The following TPST1 variants were observed in gnomAD, a reference collection of about 807,000 sequenced individuals.
TPST1 encodes protein-tyrosine sulfotransferase 1.
In TPST1, 20 loss-of-function variants were observed where a neutral mutation model predicts 34.8. That is an observed-to-expected ratio of 0.57 (90% CI 0.40 to 0.84). The LOEUF (loss-of-function observed/expected upper bound fraction) is 0.84, where lower values mean the gene tolerates loss of function less well. Ranked by LOEUF, TPST1 falls within the 40% of genes least tolerant of loss-of-function variation. The pLI, the probability that TPST1 is intolerant of heterozygous loss-of-function variation, is 0.00. For synonymous variants in TPST1, 152 were observed against 159.4 expected, an observed-to-expected ratio of 0.95 and a Z score of 0.35; for missense variants, 353 against 455.5, an observed-to-expected ratio of 0.78 and a Z score of 2.05.
At chr7:66,297,616 C>A (rs1224055552) in intron 3 of TPST1, among the ~76,000 whole-genome samples, 1 of 152,120 alleles carries the variant, frequency 6.6e-6, no homozygotes, top group African/African-American at 2.4e-5. Flanking sequence ...TGAGGAAGAG[C>A]AAGTGATCAA....
At chr7:66,352,609 A>C (rs573691943) in intron 4 of TPST1, 54 bp downstream of exon 4, 273 of 1,584,128 alleles carry the variant, frequency 1.7e-4, no homozygotes, top group Non-Finnish European at 2.3e-4. Context: ...CTTGCATTGA[A>C]GTAATATTTT....
In TPST1 at chr7:66,286,712, A is replaced by G; in HGVS notation, c.1044+3A>G. On this transcript the variant is annotated splice_donor_region_variant and intron_variant, in intron 3 of 5. Transcript: ENST00000304842. ...AAATTATTGAAAACACTCGAAGGGT[A>G]AGTGAGATTTTTTAAAGCAACTGAG... The G allele has an allele frequency of 6.7e-7, 1 of 1,491,842 alleles. No individual in the cohort carries two copies. The highest frequency in any genetic ancestry group is 9.0e-7 in the Non-Finnish European group (1 of 1,114,564). 92.4% of individuals were successfully genotyped at this position (1,491,842 alleles called of 1,614,324 possible).
intron 3 of TPST1, among the ~76,000 whole-genome samples, chr7:66,333,639 C>T (rs1006833670): frequency 6.6e-6 from 1 of 152,146 alleles, no homozygotes; most frequent in Admixed American, 6.5e-5. Flanking sequence ...ATGGGAATTA[C>T]GTGCCTCCTT....
chr7:66,267,883 T>G (rs1292577083), intron 2 of TPST1, among the ~76,000 whole-genome samples: 2 of 152,090 alleles, frequency 1.3e-5, no homozygotes, highest in Admixed American at 6.6e-5. Context: ...CATGTAGCAA[T>G]GAGGTTAGAT....
intron 2 of TPST1, among the ~76,000 whole-genome samples, chr7:66,255,145 CAAAAAAA>C (rs35033344): frequency 1.3e-5 from 1 of 78,518 alleles, no homozygotes; most frequent in Non-Finnish European, 2.8e-5. Flanking sequence ...GACAACGTCT[CAAAAAAA>C]AAAAAAAAAA....
At chr7:66,295,591 T>A (rs924888408) in intron 3 of TPST1, among the ~76,000 whole-genome samples, 3 of 152,238 alleles carry the variant, frequency 2.0e-5, no homozygotes, top group Admixed American at 6.5e-5. Flanking sequence ...TTTAATAGAT[T>A]TCATTGATTA....
intron 3 of TPST1, among the ~76,000 whole-genome samples, chr7:66,335,034 C>A (rs576176040): frequency 1.8e-4 from 27 of 152,182 alleles, no homozygotes; most frequent in Non-Finnish European, 3.5e-4. Flanking sequence ...CCGAGACACC[C>A]TATTGACAAG....
At position 66,238,977 on chromosome 7, in the gene TPST1, G is replaced by T. The variant is rs75275705; in HGVS notation, c.-101-1348G>T. On this transcript the variant is annotated intron_variant, in intron 1 of 5. Transcript: ENST00000304842. Reference sequence around the variant, plus strand: ...ACCTGCAGCATGGAGTGCTTCCTGTGTCCAGATCTTACCTGTCCTTCTGAG... The same window carrying T: ...ACCTGCAGCATGGAGTGCTTCCTGTTTCCAGATCTTACCTGTCCTTCTGAG... 5.9e-3 allele frequency among the ~76,000 whole-genome samples: 896 copies of T among 152,270 alleles called. 10 individuals carry two copies. The highest frequency in any genetic ancestry group is 0.02 in the African/African-American group (837 of 41,556).
chr7:66,329,894 A>T (rs1452119503), intron 3 of TPST1, among the ~76,000 whole-genome samples: 1 of 152,220 alleles, frequency 6.6e-6, no homozygotes, highest in Non-Finnish European at 1.5e-5. Context: ...AGAGGTAAAC[A>T]CTGGGTACAA....
Position 66,327,460 on chromosome 7 carries a change from C to T in TPST1, c.1045-25045C>T, listed in dbSNP as rs904738236. Among the ~76,000 whole-genome samples the T allele has an allele frequency of 4.6e-5, 7 of 152,094 alleles. No individual in the cohort carries two copies. In the East Asian group the frequency reaches 5.8e-4, roughly 13 times the overall value. ...ATGTACAGCTGGGTGCAGTGGTTCA[C>T]GCCTGTAATCCTAGCACTTTGGGAG... On this transcript the variant is annotated intron_variant, in intron 3 of 5. Coordinates refer to ENST00000304842, the MANE Select transcript of TPST1 (RefSeq NM_003596.4).
intron 5 of TPST1, chr7:66,359,574 C>T (rs986386906): frequency 1.4e-5 from 4 of 278,770 alleles, no homozygotes; most frequent in African/African-American, 2.2e-5. Flanking sequence ...CTGACAGTGC[C>T]CCCACAGTAG....
rs1211189278 is a variant in TPST1 at position 66,340,309 on chromosome 7, A to G, written c.1045-12196A>G. On this transcript the variant is annotated intron_variant, in intron 3 of 5. Coordinates refer to ENST00000304842, the MANE Select transcript of TPST1 (RefSeq NM_003596.4). ...AACAGTGAAAAGCTGAATAATGAAT[A>G]ATTTTTCTCTAAGATTAGGAACAGA... Among the ~76,000 whole-genome samples the G allele has an allele frequency of 2.0e-5, 3 of 152,344 alleles. No individual in the cohort carries two copies. In the East Asian group the frequency reaches 5.8e-4, roughly 29 times the overall value.
chr7:66,334,406 C>T (rs904871804), intron 3 of TPST1, among the ~76,000 whole-genome samples: 1 of 152,052 alleles, frequency 6.6e-6, no homozygotes. Context: ...GAGGCCGAAA[C>T]GTGTGGATCA....
At chr7:66,262,620 A>G (rs1790510113) in intron 2 of TPST1, among the ~76,000 whole-genome samples, 1 of 152,064 alleles carries the variant, frequency 6.6e-6, no homozygotes, top group Admixed American at 6.5e-5. Context: ...ATGAGAACAG[A>G]CTTGTGTCAC....
intron 3 of TPST1, among the ~76,000 whole-genome samples, chr7:66,293,899 T>G (rs961694691): frequency 1.1e-4 from 17 of 152,350 alleles, no homozygotes; most frequent in African/African-American, 4.1e-4. Context: ...TTTAATAAGT[T>G]ATGCTCACGT....
chr7:66,242,721 A>G (rs1790062123), intron 2 of TPST1, among the ~76,000 whole-genome samples: 1 of 152,232 alleles, frequency 6.6e-6, no homozygotes, highest in Non-Finnish European at 1.5e-5. Context: ...AAAGGAGGCC[A>G]TTAGACCACC....
At chr7:66,351,770 TG>T (rs989839665) in intron 3 of TPST1, among the ~76,000 whole-genome samples, 52 of 152,212 alleles carry the variant, frequency 3.4e-4, no homozygotes, top group African/African-American at 1.3e-3. Context: ...GAAAGTGGTA[TG>T]TCTGTTTATG....
intron 1 of TPST1, chr7:66,221,457 A>G (rs6964437): frequency 0.66 from 100,917 of 152,058 alleles, 33,910 homozygotes; most frequent in African/African-American, 0.76. Flanking sequence ...GGGAAGAGTA[A>G]AAGAGATTTA....
intron 3 of TPST1, among the ~76,000 whole-genome samples, chr7:66,325,631 TTTTTA>T (rs1013494675): frequency 4.6e-5 from 7 of 151,606 alleles, no homozygotes; most frequent in African/African-American, 1.2e-4. Flanking sequence ...CTATACAGTG[TTTTTA>T]TTTTATTTTA....
Sources: allele counts gnomAD v4.1 joint callset (sites outside exome capture counted in the v4.1 genomes callset), GRCh38; gene constraint gnomAD v4.1.1; transcripts MANE v1.5; gene names NCBI Gene and HGNC (gene_info 2026-07-23, HGNC 2026-07-21).